The following TGFBI variants were observed in gnomAD, a reference collection of about 807,000 sequenced individuals.
The protein encoded by TGFBI is transforming growth factor beta induced, also known as transforming growth factor-beta-induced protein ig-h3.
In TGFBI, 50 loss-of-function variants were observed where a neutral mutation model predicts 73.7. The ratio of observed to expected loss-of-function variants is 0.68; its 90% CI spans 0.54 to 0.86. The LOEUF (loss-of-function observed/expected upper bound fraction) is 0.86, where lower values mean the gene tolerates loss of function less well. TGFBI is among the 40% of genes least tolerant of loss of function. TGFBI has a pLI of 0.00. For missense variants in TGFBI, 839 were observed against 877.0 expected (o/e 0.96, Z 0.55); for synonymous variants, 362 against 360.5 (o/e 1.00, Z -0.05).
intron 2 of TGFBI, among the ~76,000 whole-genome samples, chr5:136,043,468 T>G (rs1365288206): frequency 1.3e-5 from 2 of 152,232 alleles, no homozygotes; most frequent in Non-Finnish European, 2.9e-5. Flanking sequence ...AATTTGATTG[T>G]GAAGACAGAG....
Position 136,044,038 on chromosome 5 carries a change from G to T in TGFBI, c.234-20G>T, listed in dbSNP as rs755967823. 2 of 1,610,852 alleles carry T rather than the reference G, an allele frequency of 1.2e-6. No individual in the cohort carries two copies. Among genetic ancestry groups the T allele is most frequent in the Non-Finnish European group, 8.5e-7 (1 of 1,177,542 alleles). ...ACAGTGAAGCCCTGCCTAACACAAT[G>T]TATGGTTGTCTTGTTACAGAGTCAT... On this transcript the variant is annotated intron_variant, in intron 2 of 16. Coordinates refer to ENST00000442011, the MANE Select transcript of TGFBI (RefSeq NM_000358.3).
Position 136,046,918 on chromosome 5 carries a change from T to C in TGFBI, c.527T>C (p.Val176Ala). Residue 176 changes from valine to alanine, a missense_variant, in exon 5 of 17, where the codon GTG (valine) becomes GCG (alanine). By Grantham distance (64) the Val-to-Ala change is moderately conservative. Coordinates refer to ENST00000442011, the MANE Select transcript of TGFBI (RefSeq NM_000358.3). ...CTCAATGCCCTCCGCTACCATATGG[T>C]GGGCAGGCGAGTCCTGACTGATGAG... ...ELLNALRYHM[V>A]GRRVLTDELK... The C allele has an allele frequency of 1.9e-6, 3 of 1,613,708 alleles. No homozygotes were observed. The highest frequency in any genetic ancestry group is 1.1e-5 in the South Asian group (1 of 91,018).
intron 2 of TGFBI, among the ~76,000 whole-genome samples, chr5:136,036,317 T>G (rs984063541): frequency 1.3e-5 from 2 of 152,218 alleles, no homozygotes; most frequent in African/African-American, 2.4e-5. Flanking sequence ...GGATATGACA[T>G]TTACATTCAA....
chr5:136,034,506 C>T (rs1214057458), intron 2 of TGFBI, among the ~76,000 whole-genome samples: 1 of 151,786 alleles, frequency 6.6e-6, no homozygotes, highest in Non-Finnish European at 1.5e-5. Context: ...TGGTGCCCAG[C>T]ATATATCAGT....
In TGFBI at chr5:136,063,520, A is replaced by G; in HGVS notation, c.*294A>G. ...ATCCCAAATGTGGAATTGACTGCCT[A>G]TGCCAAGTCCCTGGAAAAGGAGCTT... On this transcript the variant is annotated 3_prime_UTR_variant, in exon 17 of 17. Transcript: ENST00000442011. 1 of 390,116 alleles carries G rather than the reference A, an allele frequency of 2.6e-6. No individual in the cohort carries two copies. The highest frequency in any genetic ancestry group is 4.7e-5 in the East Asian group (1 of 21,078). The allele number at this position is 390,116 out of a possible 1,614,324, so 24.2% of individuals were successfully genotyped here.
At chr5:136,051,039 G>A (rs1751523216) in intron 7 of TGFBI, among the ~76,000 whole-genome samples, 1 of 152,196 alleles carries the variant, frequency 6.6e-6, no homozygotes, top group South Asian at 2.1e-4. Context: ...ATGAGGGCGG[G>A]CATTGGGACA....
chr5:136,030,941 T>G (rs904339131), intron 1 of TGFBI, among the ~76,000 whole-genome samples: 6 of 152,224 alleles, frequency 3.9e-5, no homozygotes, highest in African/African-American at 1.4e-4. Context: ...CCTCTTTCCC[T>G]TCAGAGCCCA....
At chr5:136,060,745 T>C (rs1751733055) in intron 13 of TGFBI, 89 bp from the exon 14 acceptor site, 2 of 1,049,440 alleles carry the variant, frequency 1.9e-6, no homozygotes, top group East Asian at 5.5e-5. Flanking sequence ...CGAAAACTGT[T>C]CAGTAAACAC....
intron 1 of TGFBI, 72 bp downstream of exon 1, chr5:136,029,261 G>A (rs1484622467): frequency 5.3e-5 from 74 of 1,388,624 alleles, no homozygotes; most frequent in Non-Finnish European, 6.8e-5. Context: ...GCCGCTGGGG[G>A]CATTGAACTG....
intron 14 of TGFBI, chr5:136,061,220 G>A (rs1289420834): frequency 3.5e-6 from 2 of 572,944 alleles, no homozygotes; most frequent in Non-Finnish European, 6.2e-6. Context: ...CTGTCCGCGC[G>A]ATTCCCAGCA....
At chr5:136,041,440 G>A (rs1190068893) in intron 2 of TGFBI, among the ~76,000 whole-genome samples, 1 of 152,182 alleles carries the variant, frequency 6.6e-6, no homozygotes, top group Non-Finnish European at 1.5e-5. Context: ...TGCTGACAAG[G>A]GCTAGCCTTG....
Position 136,055,756 on chromosome 5 carries a change from G to A in TGFBI, c.1487G>A (p.Arg496Gln), listed in dbSNP as rs114295767. 7.4e-5 allele frequency: 119 copies of A among 1,612,776 alleles called. No homozygotes were observed. The highest frequency in any genetic ancestry group is 8.7e-5 in the Non-Finnish European group (102 of 1,179,118). ...GRYGTLFTMDRVLTPPMGTVM... is the reference protein window; with the variant it reads ...GRYGTLFTMDQVLTPPMGTVM... The stretch of plus-strand genomic sequence containing the variant: ...TACGGGACCCTGTTCACGATGGACC[G>A]GGTGCTGACCCCCCCAATGGGGACT... Residue 496 changes from arginine to glutamine, a missense_variant, in exon 11 of 17, where the codon CGG (arginine) becomes CAG (glutamine). Arg to Gln is a conservative substitution (Grantham distance 43). Transcript: ENST00000442011.
intron 13 of TGFBI, 80 bp from the exon 14 acceptor site, chr5:136,060,754 A>C (rs770175525): frequency 4.8e-5 from 54 of 1,124,804 alleles, no homozygotes; most frequent in Non-Finnish European, 6.2e-5. Context: ...TTCAGTAAAC[A>C]CTTGCTGAAT....
At chr5:136,053,903 G>A in intron 8 of TGFBI, 40 bp from the exon 9 acceptor site, 2 of 1,609,622 alleles carry the variant, frequency 1.2e-6, no homozygotes, top group African/African-American at 1.3e-5. Flanking sequence ...AATGAAAACA[G>A]CGCTTTTAAC....
chr5:136,053,901 C>T, intron 8 of TGFBI, 42 bp from the exon 9 acceptor site: 1 of 1,609,272 alleles, frequency 6.2e-7, no homozygotes, highest in African/African-American at 1.3e-5. Context: ...TAAATGAAAA[C>T]AGCGCTTTTA....
rs191084261 is a variant in TGFBI, at chr5:136,047,118, C to A, written c.624+103C>A. On this transcript the variant is annotated intron_variant, in intron 5 of 16. Transcript: ENST00000442011. ...TGGGGTTTAAGCTGTAGACAACCCA[C>A]CCTCTTTGTGCCTGCTTCTCCTTGG... The A allele has an allele frequency of 1.7e-4, 266 of 1,531,810 alleles. 1 individual carries two copies. In the African/African-American group the frequency reaches 3.3e-3, roughly 19 times the overall value. The allele number at this position is 1,531,810 out of a possible 1,614,324, so 94.9% of individuals were successfully genotyped here.
intron 10 of TGFBI, 195 bp downstream of exon 10, chr5:136,055,056 C>T (rs889258368): frequency 3.0e-6 from 2 of 670,704 alleles, no homozygotes; most frequent in Non-Finnish European, 4.9e-6. Flanking sequence ...TTTCTGGAGG[C>T]CTTTGAGAAT....
intron 2 of TGFBI, among the ~76,000 whole-genome samples, chr5:136,035,838 T>C (rs996211601): frequency 6.6e-5 from 10 of 152,130 alleles, no homozygotes; most frequent in Non-Finnish European, 1.5e-4. Flanking sequence ...GGCCATCTTT[T>C]TTGTTAATTC....
intron 9 of TGFBI, among the ~76,000 whole-genome samples, chr5:136,054,423 G>A (rs1751590371): frequency 2.0e-5 from 3 of 152,230 alleles, no homozygotes; most frequent in Non-Finnish European, 4.4e-5. Flanking sequence ...AGAGGTCAGA[G>A]TGAGGGTACA....
Sources: allele counts gnomAD v4.1 joint callset (sites outside exome capture counted in the v4.1 genomes callset), GRCh38; gene constraint gnomAD v4.1.1; transcripts MANE v1.5; gene names NCBI Gene and HGNC (gene_info 2026-07-23, HGNC 2026-07-21).